COL9A1: variants seen among roughly 807,000 people sequenced by gnomAD.
COL9A1 encodes the protein collagen alpha-1(IX) chain.
A neutral mutation model predicts 142.6 loss-of-function variants in COL9A1; 104 were observed. That is an observed-to-expected ratio of 0.73 (90% CI 0.62 to 0.86). The LOEUF (loss-of-function observed/expected upper bound fraction) is 0.86. COL9A1 is among the 40% of genes least tolerant of loss of function. The probability of loss-of-function intolerance (pLI) is 0.00; values close to 1 mark genes in which losing one functional copy is unlikely to be tolerated. For synonymous variants in COL9A1, 466 were observed against 396.0 expected, an observed-to-expected ratio of 1.18 and a Z score of -2.10; for missense variants, 1,210 against 1,176.6, an observed-to-expected ratio of 1.03 and a Z score of -0.42.
chr6:70,266,453 T>C (rs184298326), intron 18 of COL9A1, among the ~76,000 whole-genome samples: 13 of 152,260 alleles, frequency 8.5e-5, no homozygotes, highest in Non-Finnish European at 1.8e-4. Flanking sequence ...TGTGATTGAT[T>C]TGAAAAGAAA....
rs1294761801 is a variant in COL9A1, at chr6:70,240,816, A to T, written c.2035-83T>A. 3 of 1,039,486 alleles carry T rather than the reference A, an allele frequency of 2.9e-6. No homozygotes were observed. In the East Asian group the frequency reaches 7.1e-5, roughly 25 times the overall value. The allele number at this position is 1,039,486 out of a possible 1,614,324, so 64.4% of individuals were successfully genotyped here. Reference sequence around the variant, plus strand: ...AACCAGTAAACATTGATAAGCATTCATAAGTGCCCACAGTGTTCCCAGAAT... The same window carrying T: ...AACCAGTAAACATTGATAAGCATTCTTAAGTGCCCACAGTGTTCCCAGAAT... On this transcript the variant is annotated intron_variant, in intron 31 of 37. Coordinates refer to ENST00000357250, the MANE Select transcript of COL9A1 (RefSeq NM_001851.6).
chr6:70,232,326 T>C (rs1324737195), intron 36 of COL9A1, among the ~76,000 whole-genome samples: 1 of 152,158 alleles, frequency 6.6e-6, no homozygotes, highest in African/African-American at 2.4e-5. Flanking sequence ...TGAGGTAGAG[T>C]ATAATAGAAA....
chr6:70,284,220 G>A (rs1773347178), intron 5 of COL9A1, among the ~76,000 whole-genome samples: 1 of 152,060 alleles, frequency 6.6e-6, no homozygotes, highest in African/African-American at 2.4e-5. Context: ...TGAAACCCAG[G>A]GCTATTGAAC....
chr6:70,218,826 G>A (rs1022699867), intron 37 of COL9A1, among the ~76,000 whole-genome samples: 9 of 152,128 alleles, frequency 5.9e-5, no homozygotes, highest in East Asian at 1.9e-4. Flanking sequence ...CATACACTTC[G>A]ATCCACACAA....
At chr6:70,283,320 G>A in intron 6 of COL9A1, 2 of 1,204,730 alleles carry the variant, frequency 1.7e-6, no homozygotes, top group African/African-American at 1.5e-5. Flanking sequence ...CTTCCCTGCC[G>A]CCGCACAGGC....
At chr6:70,235,630 C>A (rs1016520741) in intron 33 of COL9A1, among the ~76,000 whole-genome samples, 1 of 152,106 alleles carries the variant, frequency 6.6e-6, no homozygotes, top group Non-Finnish European at 1.5e-5. Context: ...AAAGCCCCTG[C>A]ATTCCTACAA....
chr6:70,290,716 C>A (rs1425987996), intron 5 of COL9A1, among the ~76,000 whole-genome samples: 1 of 152,020 alleles, frequency 6.6e-6, no homozygotes, highest in Non-Finnish European at 1.5e-5. Context: ...TTTTTGACAT[C>A]TGATAATCCC....
chr6:70,216,667 T>A lies in COL9A1; in HGVS notation c.*230A>T. On this transcript the variant is annotated 3_prime_UTR_variant, in exon 38 of 38. Coordinates refer to ENST00000357250, the MANE Select transcript of COL9A1 (RefSeq NM_001851.6). ...GTGTTTGGTTTTCTTTTTTTTTTTT[T>A]AACTGATGACTCTGCTGTCTTCCCT... 5.4e-6 allele frequency: 3 copies of A among 558,474 alleles called. No homozygotes were observed. The highest frequency in any genetic ancestry group is 3.0e-5 in the East Asian group (1 of 33,140). The allele number at this position is 558,474 out of a possible 1,614,324, so 34.6% of individuals were successfully genotyped here.
At chr6:70,243,965 C>T (rs1056106235) in intron 28 of COL9A1, among the ~76,000 whole-genome samples, 1 of 152,142 alleles carries the variant, frequency 6.6e-6, no homozygotes, top group African/African-American at 2.4e-5. Context: ...GACATGACAG[C>T]TCCATATTAA....
intron 24 of COL9A1, 184 bp from the exon 25 acceptor site, chr6:70,254,713 C>G: frequency 1.5e-6 from 1 of 681,250 alleles, no homozygotes. Flanking sequence ...ATAATTCAAC[C>G]AAAATGCACA....
intron 5 of COL9A1, among the ~76,000 whole-genome samples, chr6:70,290,638 C>T (rs113011348): frequency 1.3e-5 from 2 of 151,698 alleles, no homozygotes; most frequent in African/African-American, 4.8e-5. Flanking sequence ...ATAAGTGACT[C>T]TTAGCATCAG....
At chr6:70,297,742 T>A (rs967713811) in intron 4 of COL9A1, among the ~76,000 whole-genome samples, 3 of 152,162 alleles carry the variant, frequency 2.0e-5, no homozygotes, top group African/African-American at 4.8e-5. Flanking sequence ...GAAACATTTG[T>A]TTGTGACCTT....
At chr6:70,236,112 CAAAAAAAAAAAAA>C (rs368419095) in intron 33 of COL9A1, among the ~76,000 whole-genome samples, 4 of 49,014 alleles carry the variant, frequency 8.2e-5, no homozygotes, top group African/African-American at 1.0e-4. Context: ...GACTCCATCT[CAAAAAAAAAAAAA>C]AAAAAAAAAA....
At position 70,242,695 on chromosome 6, in the gene COL9A1, T is replaced by C. The variant is rs761004402; in HGVS notation, c.1893A>G (p.Gly631=). The change falls in exon 29 of 38, where the codon GGA becomes GGG. Residue 631 remains glycine (G), a synonymous_variant. Coordinates refer to ENST00000357250, the MANE Select transcript of COL9A1 (RefSeq NM_001851.6). ...QGLPGSRGEL[G]PVGSPGLPGK... ...CTGGTAGGCCTGGGGATCCCACTGG[T>C]CCTAATTCTCCTCTACTGCCCTGTA... 1 of 1,614,194 alleles carries C rather than the reference T, an allele frequency of 6.2e-7. No individual in the cohort carries two copies. Among genetic ancestry groups the C allele is most frequent in the East Asian group, 2.2e-5 (1 of 44,870 alleles).
Position 70,234,526 on chromosome 6 carries a change from G to A in COL9A1, c.2314+13C>T, listed in dbSNP as rs1385057994. ...TGATGGTGGAAAAAGTCAAACCATT[G>A]TGATTTATTTACCTTGTATGACTCT... On this transcript the variant is annotated intron_variant, in intron 35 of 37. Coordinates refer to ENST00000357250, the MANE Select transcript of COL9A1 (RefSeq NM_001851.6). 5.0e-6 allele frequency: 8 copies of A among 1,613,356 alleles called. No homozygotes were observed. The highest frequency in any genetic ancestry group is 5.9e-6 in the Non-Finnish European group (7 of 1,179,406).
intron 28 of COL9A1, chr6:70,246,278 T>A (rs1032278092): frequency 6.6e-6 from 1 of 152,062 alleles, no homozygotes; most frequent in African/African-American, 2.4e-5. Flanking sequence ...GAGAATTTCT[T>A]GAAACTGGGA....
At chr6:70,257,308 C>G (rs1429350716) in intron 20 of COL9A1, among the ~76,000 whole-genome samples, 3 of 152,080 alleles carry the variant, frequency 2.0e-5, no homozygotes, top group East Asian at 3.9e-4. Context: ...ATCTGCCCAC[C>G]TTGGCCTCCC....
chr6:70,279,490 A>G (rs1308826755), intron 10 of COL9A1: 1 of 152,258 alleles, frequency 6.6e-6, no homozygotes, highest in Non-Finnish European at 1.5e-5. Context: ...AAAATACAAA[A>G]CTTAGCAGGG....
At chr6:70,234,634 C>T (rs747244653) in intron 34 of COL9A1, 41 bp from the exon 35 acceptor site, 2 of 1,612,216 alleles carry the variant, frequency 1.2e-6, no homozygotes, top group South Asian at 1.1e-5. Flanking sequence ...TGCATGAAAC[C>T]ATAAAGAGAA....
Sources: allele counts gnomAD v4.1 joint callset (sites outside exome capture counted in the v4.1 genomes callset), GRCh38; gene constraint gnomAD v4.1.1; transcripts MANE v1.5; gene names NCBI Gene and HGNC (gene_info 2026-07-23, HGNC 2026-07-21).